Variants in VAT1L observed in about 807,000 individuals in gnomAD.
VAT1L encodes vesicle amine transport 1 like.
Under a neutral mutation model 44.1 loss-of-function variants are expected in VAT1L, and 34 were observed. The ratio of observed to expected loss-of-function variants is 0.77; its 90% CI spans 0.59 to 1.03. The LOEUF is 1.03. Among genes scored for constraint, VAT1L ranks in the 50% least tolerant of loss-of-function variants. The pLI is 0.00. For missense variants in VAT1L, 615 were observed against 538.8 expected, an observed-to-expected ratio of 1.14 and a Z score of -1.40; for synonymous variants, 253 against 202.2, an observed-to-expected ratio of 1.25 and a Z score of -2.13.
chr16:77,968,804 A>T (rs2018249999), intron 7 of VAT1L, among the ~76,000 whole-genome samples: 1 of 152,106 alleles, frequency 6.6e-6, no homozygotes, highest in South Asian at 2.1e-4. Context: ...TTTTTTAATT[A>T]CTGTATTTTG....
intron 7 of VAT1L, among the ~76,000 whole-genome samples, chr16:77,937,593 G>T (rs1228395372): frequency 6.6e-6 from 1 of 152,236 alleles, no homozygotes; most frequent in Non-Finnish European, 1.5e-5. Context: ...AATGCTTGAG[G>T]CTAGAAAGGG....
chr16:77,942,296 G>A (rs773444076), intron 7 of VAT1L, among the ~76,000 whole-genome samples: 10 of 152,020 alleles, frequency 6.6e-5, no homozygotes, highest in African/African-American at 1.4e-4. Flanking sequence ...TCACTATCAC[G>A]TGAACAGCAC....
chr16:77,953,063 G>A (rs1423720146), intron 7 of VAT1L, among the ~76,000 whole-genome samples: 2 of 151,930 alleles, frequency 1.3e-5, no homozygotes, highest in African/African-American at 2.4e-5. Context: ...CTTGTAAGAA[G>A]GAAAAAAGAG....
intron 1 of VAT1L, among the ~76,000 whole-genome samples, chr16:77,799,504 G>GGTGTGTGTGT (rs10525414): frequency 5.0e-5 from 7 of 140,994 alleles, no homozygotes; most frequent in South Asian, 2.3e-4. Flanking sequence ...TGGAATACAT[G>GGTGTGTGTGT]GTGTGTGTGT....
chr16:77,954,841 C>G (rs564177254), intron 7 of VAT1L, among the ~76,000 whole-genome samples: 83 of 152,152 alleles, frequency 5.5e-4, no homozygotes, highest in Admixed American at 1.0e-3. Flanking sequence ...CCTGTCCAGT[C>G]TCAATAAAAG....
chr16:77,920,503 C>G (rs564718616), intron 7 of VAT1L, among the ~76,000 whole-genome samples: 28 of 152,228 alleles, frequency 1.8e-4, no homozygotes, highest in African/African-American at 5.5e-4. Context: ...CTGAATTATA[C>G]TTAGAAGACT....
chr16:77,935,622 G>C (rs1014364149), intron 7 of VAT1L, among the ~76,000 whole-genome samples: 1 of 151,922 alleles, frequency 6.6e-6, no homozygotes. Context: ...AGAGGGATGA[G>C]TGGGGGGAAG....
intron 3 of VAT1L, among the ~76,000 whole-genome samples, chr16:77,861,908 G>A (rs1054918133): frequency 1.3e-5 from 2 of 152,222 alleles, no homozygotes; most frequent in Admixed American, 1.3e-4. Flanking sequence ...ATATGGCCTT[G>A]ATAACACATC....
chr16:77,869,516 A>G (rs947561385), intron 4 of VAT1L, among the ~76,000 whole-genome samples: 1 of 152,118 alleles, frequency 6.6e-6, no homozygotes, highest in African/African-American at 2.4e-5. Context: ...TCTCTAAAAA[A>G]CAATTCGCTG....
chr16:77,917,957 T>C (rs2017568310), intron 7 of VAT1L, among the ~76,000 whole-genome samples: 1 of 152,170 alleles, frequency 6.6e-6, no homozygotes, highest in Non-Finnish European at 1.5e-5. Context: ...GGGCTGCCCC[T>C]TCCCTTCACC....
chr16:77,908,048 G>C (rs1302416574), intron 7 of VAT1L, among the ~76,000 whole-genome samples: 2 of 152,102 alleles, frequency 1.3e-5, no homozygotes, highest in African/African-American at 4.8e-5. Flanking sequence ...AGACCATCCT[G>C]GCTAACATGG....
At position 77,908,464 on chromosome 16, in the gene VAT1L, C is replaced by CAAAAAAAAA. The variant is rs11418351; in HGVS notation, c.1077+23679_1077+23687dup. On this transcript the variant is annotated intron_variant, in intron 7 of 8. Coordinates refer to ENST00000302536, the MANE Select transcript of VAT1L (RefSeq NM_020927.3). ...GGGGGACAAGAACCAGGTTCTGTCT[C>CAAAAAAAAA]AAAAAAAAAAAAAAAAAAAAAAAAA... 7.6e-5 allele frequency among the ~76,000 whole-genome samples: 3 copies of CAAAAAAAAA among 39,374 alleles called. 1 individual carries two copies. The highest frequency in any genetic ancestry group is 1.3e-4 in the Non-Finnish European group (3 of 23,938). 25.8% of individuals were successfully genotyped at this position (39,374 alleles called of 152,430 possible).
intron 7 of VAT1L, among the ~76,000 whole-genome samples, chr16:77,893,859 C>T (rs1028399823): frequency 3.3e-5 from 5 of 152,094 alleles, no homozygotes; most frequent in African/African-American, 4.8e-5. Context: ...TGAATAAACT[C>T]ATTGAAGAAT....
At chr16:77,825,486 C>T (rs750921271) in intron 3 of VAT1L, 25 bp downstream of exon 3, 37 of 1,555,728 alleles carry the variant, frequency 2.4e-5, no homozygotes, top group Non-Finnish European at 3.0e-5. Context: ...TGTAACTTCT[C>T]TTCTTTAAGG....
intron 7 of VAT1L, among the ~76,000 whole-genome samples, chr16:77,952,023 T>C (rs2018050443): frequency 6.6e-6 from 1 of 152,104 alleles, no homozygotes; most frequent in African/African-American, 2.4e-5. Context: ...GCTGAAGCCA[T>C]CAAGCCATCT....
chr16:77,832,117 C>T lies in VAT1L; in HGVS notation c.579+6656C>T, dbSNP rs1427537548. Among the ~76,000 whole-genome samples, 6 of 151,854 alleles carry T rather than the reference C, an allele frequency of 4.0e-5. No homozygotes were observed. The East Asian group carries it at 5.8e-4, about 15-fold the overall frequency. On this transcript the variant is annotated intron_variant, in intron 3 of 8. Transcript: ENST00000302536. ...TGCTAGGATTACAGGTGTGAGCCAC[C>T]GTGCGCAGCCCCAGTGTTGTTTCTT...
intron 1 of VAT1L, among the ~76,000 whole-genome samples, chr16:77,799,728 G>C (rs1488103230): frequency 3.3e-5 from 5 of 152,138 alleles, no homozygotes; most frequent in Non-Finnish European, 7.3e-5. Context: ...GGGAACTGGA[G>C]AAGTCAGGTC....
In VAT1L at chr16:77,857,188, T is replaced by C. The variant is rs139764615; in HGVS notation, c.580-5560T>C. On this transcript the variant is annotated intron_variant, in intron 3 of 8. Transcript: ENST00000302536. ...GCAAATCGTCATTTACTGCAGTGACTGGGAGAATGGATTGTCTTGTTCATT... is the reference window on the plus strand; with the variant it reads ...GCAAATCGTCATTTACTGCAGTGACCGGGAGAATGGATTGTCTTGTTCATT... Among the ~76,000 whole-genome samples the C allele has an allele frequency of 3.1e-3, 478 of 152,320 alleles. 2 individuals are homozygous for C. Among genetic ancestry groups the C allele is most frequent in the African/African-American group, 0.011 (447 of 41,570 alleles).
chr16:77,930,910 A>G (rs2017724507), intron 7 of VAT1L, among the ~76,000 whole-genome samples: 2 of 152,204 alleles, frequency 1.3e-5, no homozygotes, highest in African/African-American at 2.4e-5. Context: ...AACATTCAAC[A>G]TAATTCATTG....
Sources: gnomAD v4.1 joint callset for allele counts (sites outside exome capture counted in the v4.1 genomes callset) on GRCh38, gnomAD v4.1.1 for gene constraint, MANE v1.5 for transcripts, NCBI Gene and HGNC (gene_info 2026-07-23, HGNC 2026-07-21) for gene names.